ABTB3: variants seen among roughly 807,000 people sequenced by gnomAD.
The protein encoded by ABTB3 is ankyrin repeat- and BTB/POZ domain-containing protein 3.
chr12:107,388,961 CAG>C, the ABTB3 span, among the ~76,000 whole-genome samples: 1 of 147,406 alleles, frequency 6.8e-6, no homozygotes, highest in Non-Finnish European at 1.5e-5. Context: ...CTCTGTTCCT[CAG>C]AGGAAAAGCA....
the ABTB3 span, among the ~76,000 whole-genome samples, chr12:107,342,666 C>T: frequency 2.6e-5 from 4 of 152,180 alleles, no homozygotes; most frequent in Non-Finnish European, 5.9e-5. Flanking sequence ...CTCAGTGGAA[C>T]CTCTGCTCCT....
chr12:107,646,546 G>A, the ABTB3 span, among the ~76,000 whole-genome samples: 1 of 152,224 alleles, frequency 6.6e-6, no homozygotes, highest in African/African-American at 2.4e-5. Flanking sequence ...TGACCCATCA[G>A]GGTGGGAGAG....
chr12:107,579,884 G>T, the ABTB3 span, among the ~76,000 whole-genome samples: 2 of 152,234 alleles, frequency 1.3e-5, no homozygotes, highest in African/African-American at 2.4e-5. Context: ...TTCTCAAAGT[G>T]TGGTACTTGG....
chr12:107,562,291 C>G, the ABTB3 span, among the ~76,000 whole-genome samples: 1 of 152,158 alleles, frequency 6.6e-6, no homozygotes, highest in African/African-American at 2.4e-5. Flanking sequence ...AGAAATCAAA[C>G]TGGGTACTCA....
the ABTB3 span, among the ~76,000 whole-genome samples, chr12:107,611,839 C>T: frequency 4.6e-5 from 7 of 152,240 alleles, no homozygotes; most frequent in African/African-American, 1.7e-4. Flanking sequence ...CTTCTTTATT[C>T]AGGAGTGCTG....
At chr12:107,445,183 TC>T in the ABTB3 span, among the ~76,000 whole-genome samples, 1 of 152,198 alleles carries the variant, frequency 6.6e-6, no homozygotes, top group African/African-American at 2.4e-5. Context: ...TCAAGTCTAA[TC>T]CTACTAGCTC....
the ABTB3 span, among the ~76,000 whole-genome samples, chr12:107,404,324 AAAGAAC>A: frequency 6.6e-6 from 1 of 152,208 alleles, no homozygotes; most frequent in Admixed American, 6.5e-5. Flanking sequence ...CATCTGCTGG[AAAGAAC>A]TTGCTTCCAC....
the ABTB3 span, among the ~76,000 whole-genome samples, chr12:107,460,315 C>G: frequency 1.3e-5 from 2 of 152,170 alleles, no homozygotes. Flanking sequence ...CCCTGTGTGG[C>G]CTTTGTGAAA....
At chr12:107,536,603 T>A in the ABTB3 span, among the ~76,000 whole-genome samples, 4 of 152,100 alleles carry the variant, frequency 2.6e-5, no homozygotes, top group African/African-American at 9.7e-5. Flanking sequence ...AAAGAAGACA[T>A]ACAAGTAGCC....
the ABTB3 span, among the ~76,000 whole-genome samples, chr12:107,369,890 A>G: frequency 1.3e-5 from 2 of 151,918 alleles, no homozygotes; most frequent in Non-Finnish European, 2.9e-5. Context: ...TAATGAAACT[A>G]ACATTAAACT....
At chr12:107,560,412 T>G in the ABTB3 span, among the ~76,000 whole-genome samples, 2 of 152,072 alleles carry the variant, frequency 1.3e-5, no homozygotes, top group Non-Finnish European at 2.9e-5. Context: ...CCCACCCCAA[T>G]CCCAGCTGTT....
chr12:107,366,703 G>T, the ABTB3 span, among the ~76,000 whole-genome samples: 11 of 152,178 alleles, frequency 7.2e-5, no homozygotes, highest in East Asian at 1.9e-3. Flanking sequence ...GTGAAAATGG[G>T]GTGGAAAATA....
At chr12:107,464,949 TACAC>T in the ABTB3 span, among the ~76,000 whole-genome samples, 284 of 146,448 alleles carry the variant, frequency 1.9e-3, no homozygotes, top group Middle Eastern at 6.8e-3. Flanking sequence ...CTCCCTACCT[TACAC>T]ACACACACAC....
chr12:107,385,379 T>A, the ABTB3 span, among the ~76,000 whole-genome samples: 2 of 152,190 alleles, frequency 1.3e-5, no homozygotes, highest in East Asian at 3.9e-4. Context: ...GGTGTGTAGG[T>A]CAACACACCC....
chr12:107,555,933 C>T, the ABTB3 span, among the ~76,000 whole-genome samples: 199 of 152,252 alleles, frequency 1.3e-3, no homozygotes, highest in South Asian at 1.7e-3. Context: ...GAAACATATG[C>T]CACATGACTG....
At chr12:107,420,370 G>C in the ABTB3 span, among the ~76,000 whole-genome samples, 151 of 152,280 alleles carry the variant, frequency 9.9e-4, 4 homozygotes, top group East Asian at 0.027. Flanking sequence ...TCACATGGCG[G>C]GGGAGGCCTC....
chr12:107,615,300 C>G, the ABTB3 span: 1 of 642,858 alleles, frequency 1.6e-6, no homozygotes, highest in Non-Finnish European at 2.7e-6. Context: ...ATATTCATAT[C>G]ATGTGAATAC....
the ABTB3 span, among the ~76,000 whole-genome samples, chr12:107,574,177 GC>G: frequency 6.6e-6 from 1 of 152,188 alleles, no homozygotes; most frequent in African/African-American, 2.4e-5. Context: ...CCAGGCACTA[GC>G]TTTTCCCAGC....
At chr12:107,454,113 G>GTAA in the ABTB3 span, among the ~76,000 whole-genome samples, 1 of 152,260 alleles carries the variant, frequency 6.6e-6, no homozygotes, top group African/African-American at 2.4e-5. Context: ...CTGGCACATA[G>GTAA]TAGGTGCTCA....
Sources: gnomAD v4.1 joint callset for allele counts (sites outside exome capture counted in the v4.1 genomes callset) on GRCh38, gnomAD v4.1.1 for gene constraint, MANE v1.5 for transcripts, NCBI Gene and HGNC (gene_info 2026-07-23, HGNC 2026-07-21) for gene names.